The following SH2D4B variants were observed in gnomAD, a reference collection of about 807,000 sequenced individuals.
The protein encoded by SH2D4B is SH2 domain containing 4B, also known as SH2 domain-containing protein 4B.
A neutral mutation model predicts 61.5 loss-of-function variants in SH2D4B; 45 were observed. The ratio of observed to expected loss-of-function variants is 0.73; its 90% confidence interval spans 0.58 to 0.94. The LOEUF (loss-of-function observed/expected upper bound fraction) is 0.94. Among genes scored for constraint, SH2D4B ranks in the 40% least tolerant of loss-of-function variants. SH2D4B has a pLI of 0.00. For missense variants in SH2D4B, 572 were observed against 574.2 expected (o/e 1.00, Z 0.04); for synonymous variants, 224 against 220.4 (o/e 1.02, Z -0.14).
intron 1 of SH2D4B, among the ~76,000 whole-genome samples, chr10:80,557,174 T>G (rs180942694): frequency 3.9e-5 from 6 of 152,278 alleles, no homozygotes; most frequent in Admixed American, 2.0e-4. Flanking sequence ...TTTAGTCTGC[T>G]GATAGGACTA....
intron 3 of SH2D4B, among the ~76,000 whole-genome samples, chr10:80,587,045 A>G (rs1842262580): frequency 1.3e-5 from 2 of 150,994 alleles, no homozygotes; most frequent in East Asian, 1.9e-4. Flanking sequence ...GATATGCCAC[A>G]TTTAAGAACT....
In SH2D4B at chr10:80,573,802, CA is replaced by C. The variant is rs139625428; in HGVS notation, c.495+2225del. On this transcript the variant is annotated intron_variant, in intron 3 of 7. Coordinates refer to ENST00000646907, the MANE Select transcript of SH2D4B (RefSeq NM_001388272.1). ...CAAAATGTCCTTGGCTAATCTCACC[CA>C]TTTTTTTTTCTGCCAGGGAAACTTG... is the stretch of plus-strand genomic sequence containing the variant. Among the ~76,000 whole-genome samples the C allele has an allele frequency of 9.8e-3, 1,498 of 152,244 alleles. 22 individuals carry two copies. Among genetic ancestry groups the C allele is most frequent in the African/African-American group, 0.035 (1,437 of 41,536 alleles).
intron 4 of SH2D4B, among the ~76,000 whole-genome samples, chr10:80,592,545 T>G (rs532171932): frequency 2.0e-5 from 3 of 152,240 alleles, no homozygotes; most frequent in Non-Finnish European, 4.4e-5. Context: ...TTTGATTTAA[T>G]TTTTGTGTGA....
At chr10:80,581,827 A>G (rs369304907) in intron 3 of SH2D4B, among the ~76,000 whole-genome samples, 1 of 152,194 alleles carries the variant, frequency 6.6e-6, no homozygotes, top group Admixed American at 6.5e-5. Context: ...CCTTGACTGT[A>G]TTCTTCCTGA....
At chr10:80,586,941 G>A (rs1440416173) in intron 3 of SH2D4B, among the ~76,000 whole-genome samples, 2 of 120,942 alleles carry the variant, frequency 1.7e-5, no homozygotes, top group African/African-American at 3.8e-5. Flanking sequence ...TCACCGCGGA[G>A]GTCCGCAGCT....
chr10:80,629,038 A>AAAAAAAAAAAGAG (rs1842799237), intron 6 of SH2D4B, among the ~76,000 whole-genome samples: 1 of 144,422 alleles, frequency 6.9e-6, no homozygotes, highest in African/African-American at 2.5e-5. Context: ...TCAAAAAAAA[A>AAAAAAAAAAAGAG]AAAGAAAAAG....
intron 1 of SH2D4B, among the ~76,000 whole-genome samples, chr10:80,546,617 C>T (rs1457983413): frequency 6.6e-6 from 1 of 151,504 alleles, no homozygotes; most frequent in East Asian, 1.9e-4. Context: ...GCTCCACCTC[C>T]TGGGTTCATG....
At chr10:80,559,567 G>A (rs1165133203) in intron 1 of SH2D4B, among the ~76,000 whole-genome samples, 4 of 150,780 alleles carry the variant, frequency 2.7e-5, no homozygotes, top group Non-Finnish European at 5.9e-5. Flanking sequence ...GCAATATGTT[G>A]CTTAATCATT....
chr10:80,612,579 C>T (rs1240590814), intron 6 of SH2D4B, among the ~76,000 whole-genome samples: 2 of 152,168 alleles, frequency 1.3e-5, no homozygotes, highest in Non-Finnish European at 2.9e-5. Context: ...TTGCCTTGTA[C>T]CTCACAGAGC....
At chr10:80,571,663 CT>C in intron 3 of SH2D4B, 85 bp downstream of exon 3, 2 of 1,528,916 alleles carry the variant, frequency 1.3e-6, no homozygotes, top group Non-Finnish European at 1.8e-6. Flanking sequence ...TGGATCAATC[CT>C]TGGCCATTGG....
chr10:80,571,782 T>TC (rs1207807033), intron 3 of SH2D4B, among the ~76,000 whole-genome samples: 2 of 150,554 alleles, frequency 1.3e-5, no homozygotes, highest in Admixed American at 6.6e-5. Context: ...TTTTCTTTTT[T>TC]TTTTTTTTTG....
chr10:80,543,608 G>A (rs537904057), intron 1 of SH2D4B, among the ~76,000 whole-genome samples: 4 of 152,346 alleles, frequency 2.6e-5, no homozygotes, highest in East Asian at 1.9e-4. Flanking sequence ...GGCGCACCGC[G>A]CGGGACTGGC....
intron 7 of SH2D4B, among the ~76,000 whole-genome samples, chr10:80,640,014 G>A (rs556912914): frequency 6.6e-6 from 1 of 152,144 alleles, no homozygotes; most frequent in Non-Finnish European, 1.5e-5. Flanking sequence ...ATTTGCTTGT[G>A]TGTAAAGTAT....
At chr10:80,560,209 G>A (rs906466573) in intron 1 of SH2D4B, among the ~76,000 whole-genome samples, 2 of 151,680 alleles carry the variant, frequency 1.3e-5, no homozygotes, top group Non-Finnish European at 2.9e-5. Flanking sequence ...GGATGGTCTC[G>A]ATCTCCTGAC....
intron 1 of SH2D4B, among the ~76,000 whole-genome samples, chr10:80,541,864 G>A (rs550865830): frequency 2.3e-4 from 35 of 152,242 alleles, no homozygotes; most frequent in Admixed American, 2.0e-3. Context: ...GCTTAGAGGC[G>A]GACTGTGAAA....
At chr10:80,609,364 C>T in intron 5 of SH2D4B, 60 bp from the exon 6 acceptor site, 1 of 1,534,880 alleles carries the variant, frequency 6.5e-7, no homozygotes, top group African/African-American at 1.4e-5. Flanking sequence ...CTGCCTTCCT[C>T]TCCCTCCGCT....
chr10:80,561,161 A>G (rs1376221500), intron 1 of SH2D4B, among the ~76,000 whole-genome samples: 2 of 152,252 alleles, frequency 1.3e-5, no homozygotes, highest in East Asian at 1.9e-4. Flanking sequence ...AGAAACACTG[A>G]CAGACAAGCT....
intron 3 of SH2D4B, among the ~76,000 whole-genome samples, chr10:80,579,766 C>T (rs7915068): frequency 0.03 from 4,528 of 151,792 alleles, 214 homozygotes; most frequent in African/African-American, 0.1. Context: ...ACTTTAGAAA[C>T]GATTACTGCT....
chr10:80,629,689 T>C (rs1842808402), intron 6 of SH2D4B, among the ~76,000 whole-genome samples: 1 of 152,248 alleles, frequency 6.6e-6, no homozygotes, highest in African/African-American at 2.4e-5. Context: ...CAGCTAGTTA[T>C]ATTGTATTAG....
Sources: gnomAD v4.1 joint callset for allele counts (sites outside exome capture counted in the v4.1 genomes callset) on GRCh38, gnomAD v4.1.1 for gene constraint, MANE v1.5 for transcripts, NCBI Gene and HGNC (gene_info 2026-07-23, HGNC 2026-07-21) for gene names.